CD2AP: variants seen among roughly 807,000 people sequenced by gnomAD.
CD2AP encodes the protein CD2-associated protein.
In CD2AP, 46 loss-of-function variants were observed where a neutral mutation model predicts 85.1. The ratio of observed to expected loss-of-function variants is 0.54; its 90% confidence interval spans 0.43 to 0.69. The LOEUF (loss-of-function observed/expected upper bound fraction) is 0.69. CD2AP is among the 30% of genes least tolerant of loss of function. The pLI is 0.00. For synonymous variants in CD2AP, 255 were observed against 252.9 expected (o/e 1.01, Z -0.08); for missense variants, 769 against 729.5 (o/e 1.05, Z -0.62).
intron 5 of CD2AP, chr6:47,562,743 C>A: frequency 1.2e-6 from 1 of 839,530 alleles, no homozygotes; most frequent in Non-Finnish European, 2.0e-6. Context: ...CTGGCCAAGC[C>A]TTAGACAAGT....
Position 47,609,302 on chromosome 6 carries a change from C to T in CD2AP, c.1812C>T (p.His604=), listed in dbSNP as rs140391156. The T allele has an allele frequency of 5.9e-5, 95 of 1,610,680 alleles. No individual in the cohort carries two copies. The African/African-American group carries it at 8.1e-4, about 14-fold the overall frequency. ...LCIVEALKKD[H]GKELEKLRKD... ...TTGTAGAAGCACTGAAAAAGGATCA[C>T]GGGTAAGTAGCCCTTCTTTTCTCCT... Residue 604 remains histidine (H), a splice_region_variant and synonymous_variant, in exon 16 of 18, where the codon CAC becomes CAT. Coordinates refer to ENST00000359314, the MANE Select transcript of CD2AP (RefSeq NM_012120.3).
At chr6:47,549,837 G>C (rs1163005125) in intron 4 of CD2AP, among the ~76,000 whole-genome samples, 3 of 152,146 alleles carry the variant, frequency 2.0e-5, no homozygotes, top group East Asian at 3.8e-4. Context: ...CACCAAAACA[G>C]CATGGTACTG....
intron 8 of CD2AP, among the ~76,000 whole-genome samples, chr6:47,578,802 G>A (rs1248449276): frequency 2.0e-5 from 3 of 151,626 alleles, no homozygotes; most frequent in African/African-American, 4.8e-5. Flanking sequence ...GACTACAGGC[G>A]CCTGTCACGA....
intron 5 of CD2AP, among the ~76,000 whole-genome samples, chr6:47,571,667 G>A (rs758072858): frequency 2.6e-5 from 4 of 152,154 alleles, no homozygotes; most frequent in Non-Finnish European, 1.5e-5. Context: ...AAACCCCAGA[G>A]ACTGAACATG....
intron 5 of CD2AP, among the ~76,000 whole-genome samples, chr6:47,559,640 T>C (rs554584362): frequency 3.9e-5 from 6 of 152,324 alleles, no homozygotes; most frequent in African/African-American, 1.4e-4. Context: ...AAAAGATTTC[T>C]AGAAATCATT....
At chr6:47,622,331 G>A (rs1452155479) in intron 17 of CD2AP, among the ~76,000 whole-genome samples, 6 of 152,156 alleles carry the variant, frequency 3.9e-5, no homozygotes, top group Admixed American at 2.6e-4. Context: ...CAGATTTGCC[G>A]CCCTACCCAG....
rs1766054321 is a variant in CD2AP at position 47,503,561 on chromosome 6, AAG to A, written c.165+123_165+124del. 17 of 910,940 alleles carry A rather than the reference AAG, an allele frequency of 1.9e-5. No individual in the cohort carries two copies. In the Middle Eastern group the frequency reaches 2.6e-3, roughly 137 times the overall value. The allele number at this position is 910,940 out of a possible 1,614,324, so 56.4% of individuals were successfully genotyped here. A position where few individuals can be genotyped will look rare whatever the true frequency, so the allele number is the denominator to read the frequency against. ...GATAAATGTTTTCTTTGTAACATTT[AAG>A]AAAATAGAGTCCAGGTACCTCTATA... On this transcript the variant is annotated intron_variant, in intron 2 of 17. Coordinates refer to ENST00000359314, the MANE Select transcript of CD2AP (RefSeq NM_012120.3).
At chr6:47,618,890 T>C (rs116611925) in intron 17 of CD2AP, among the ~76,000 whole-genome samples, 349 of 152,322 alleles carry the variant, frequency 2.3e-3, no homozygotes, top group African/African-American at 7.3e-3. Context: ...CCTGTATTTG[T>C]AAAAGCACAC....
intron 2 of CD2AP, among the ~76,000 whole-genome samples, chr6:47,516,757 G>A (rs1248181728): frequency 6.6e-6 from 1 of 152,066 alleles, no homozygotes; most frequent in African/African-American, 2.4e-5. Flanking sequence ...TGAAAAGTTA[G>A]AAAACAGGAC....
At chr6:47,565,816 C>T (rs897395626) in intron 5 of CD2AP, among the ~76,000 whole-genome samples, 1 of 152,156 alleles carries the variant, frequency 6.6e-6, no homozygotes, top group African/African-American at 2.4e-5. Context: ...AGCCTATATG[C>T]CATTACCTAC....
chr6:47,542,129 A>G (rs925815668), intron 3 of CD2AP, among the ~76,000 whole-genome samples: 9 of 152,024 alleles, frequency 5.9e-5, no homozygotes, highest in African/African-American at 2.2e-4. Flanking sequence ...TGTCCTTTCT[A>G]ATTTTTGAAA....
chr6:47,552,823 G>T (rs1296770680), intron 4 of CD2AP, among the ~76,000 whole-genome samples: 2 of 152,030 alleles, frequency 1.3e-5, no homozygotes, highest in Non-Finnish European at 2.9e-5. Flanking sequence ...GTCACTTCAT[G>T]CTTTACTGCC....
chr6:47,569,682 A>G (rs527683059), intron 5 of CD2AP, among the ~76,000 whole-genome samples: 1 of 152,220 alleles, frequency 6.6e-6, no homozygotes, highest in East Asian at 1.9e-4. Flanking sequence ...AGGTTCTGGA[A>G]TAGAAGAAAG....
chr6:47,610,949 T>TTTTATATATATATATA (rs1554183764), intron 16 of CD2AP, among the ~76,000 whole-genome samples: 4 of 114,244 alleles, frequency 3.5e-5, no homozygotes, highest in African/African-American at 7.3e-5. Context: ...TATTTCTGAT[T>TTTTATATATATATATA]TATATATATA....
rs2152795 is a variant in CD2AP, at chr6:47,626,318, C to A, written c.*2091C>A. ...TAAAGAAAACCAAACAAACCCAGGC[C>A]TGATGGGAAAAATGATTCCTTTATT... On this transcript the variant is annotated 3_prime_UTR_variant, in exon 18 of 18. Coordinates refer to ENST00000359314, the MANE Select transcript of CD2AP (RefSeq NM_012120.3). The A allele has an allele frequency of 6.6e-6, 1 of 152,046 alleles. No individual in the cohort carries two copies. Among genetic ancestry groups the A allele is most frequent in the Admixed American group, 6.6e-5 (1 of 15,244 alleles). The allele number at this position is 152,046 out of a possible 1,614,324, so 9.4% of individuals were successfully genotyped here.
rs144322822 is a variant in CD2AP, at chr6:47,581,567, A to G, written c.1046-436A>G. On this transcript the variant is annotated intron_variant, in intron 10 of 17. Transcript: ENST00000359314. ...AATTTTTATAGAAGTTGGTGTTGAA[A>G]GCTTTTTATATAGCTTTACTCTTCA... Among the ~76,000 whole-genome samples the G allele has an allele frequency of 1.5e-3, 225 of 152,320 alleles. 1 individual carries two copies. Among genetic ancestry groups the G allele is most frequent in the African/African-American group, 5.0e-3 (207 of 41,584 alleles).
chr6:47,602,128 T>C (rs1233497741), intron 13 of CD2AP, among the ~76,000 whole-genome samples: 2 of 152,028 alleles, frequency 1.3e-5, no homozygotes, highest in Non-Finnish European at 2.9e-5. Context: ...ATTTATAAAG[T>C]CATATGTAAA....
intron 11 of CD2AP, among the ~76,000 whole-genome samples, chr6:47,594,652 T>C (rs189128152): frequency 1.5e-3 from 228 of 152,124 alleles, no homozygotes; most frequent in Middle Eastern, 0.01. Context: ...GAGTTTGGTT[T>C]TTTACAAATT....
chr6:47,531,663 A>G (rs922885455), intron 2 of CD2AP, among the ~76,000 whole-genome samples: 1 of 151,916 alleles, frequency 6.6e-6, no homozygotes, highest in African/African-American at 2.4e-5. Flanking sequence ...TTCCTGTTCC[A>G]CATTGATTTT....
Sources: allele counts gnomAD v4.1 joint callset (sites outside exome capture counted in the v4.1 genomes callset), GRCh38; gene constraint gnomAD v4.1.1; transcripts MANE v1.5; gene names NCBI Gene and HGNC (gene_info 2026-07-23, HGNC 2026-07-21).